Variants in HSPA12A observed in about 807,000 individuals in gnomAD.
The protein encoded by HSPA12A is heat shock 70 kDa protein 12A.
Under a neutral mutation model 69.2 loss-of-function variants are expected in HSPA12A, and 28 were observed. The observed-to-expected ratio is 0.40, with a 90% CI of 0.30 to 0.55. The LOEUF is 0.55. Ranked by LOEUF, HSPA12A falls within the 20% of genes least tolerant of loss-of-function variation. The pLI, the probability that HSPA12A is intolerant of heterozygous loss-of-function variation, is 0.38. For missense variants in HSPA12A, 686 were observed against 900.7 expected (o/e 0.76, Z 3.05); for synonymous variants, 345 against 370.5 (o/e 0.93, Z 0.79).
In HSPA12A at chr10:116,754,061, C is replaced by A. The variant is rs183328619; in HGVS notation, c.92-46776G>T. On this transcript the variant is annotated intron_variant, in intron 2 of 12. Coordinates refer to the HSPA12A transcript ENST00000635765. ...GACACGGGCCGGGCCTTCCTCTCCC[C>A]ACCCTGGCAGGGGTCAGCTATGAGC... Among the ~76,000 whole-genome samples the A allele has an allele frequency of 4.6e-5, 7 of 152,348 alleles. No individual in the cohort carries two copies. In the East Asian group the frequency reaches 1.4e-3, roughly 29 times the overall value.
chr10:116,771,560 GC>G (rs1844210701), intron 2 of HSPA12A, among the ~76,000 whole-genome samples: 1 of 152,222 alleles, frequency 6.6e-6, no homozygotes, highest in Non-Finnish European at 1.5e-5. Context: ...TAGACAGAGG[GC>G]CCCCGGGAGG....
chr10:116,832,583 A>C (rs775632944), intron 2 of HSPA12A: 1 of 152,234 alleles, frequency 6.6e-6, no homozygotes, highest in Non-Finnish European at 1.5e-5. Context: ...TCAGGAGGTC[A>C]GCCTATTGGT....
At chr10:116,802,657 G>A (rs1056432849) in intron 2 of HSPA12A, among the ~76,000 whole-genome samples, 3 of 152,236 alleles carry the variant, frequency 2.0e-5, no homozygotes, top group Non-Finnish European at 2.9e-5. Flanking sequence ...TGCAAAGACT[G>A]ACCAGGAAAG....
intron 2 of HSPA12A, among the ~76,000 whole-genome samples, chr10:116,782,700 A>T (rs1554891932): frequency 6.6e-6 from 1 of 152,224 alleles, no homozygotes; most frequent in Non-Finnish European, 1.5e-5. Context: ...ACTGCTTTTT[A>T]AAAACAAGGG....
chr10:116,727,727 T>C (rs192899653), intron 1 of HSPA12A, among the ~76,000 whole-genome samples: 2 of 149,468 alleles, frequency 1.3e-5, no homozygotes, highest in Middle Eastern at 3.6e-3. Flanking sequence ...GATGATTTTG[T>C]CCAAGGGTAG....
At chr10:116,827,931 A>G (rs1197830121) in intron 2 of HSPA12A, among the ~76,000 whole-genome samples, 1 of 152,096 alleles carries the variant, frequency 6.6e-6, no homozygotes, top group African/African-American at 2.4e-5. Flanking sequence ...GATATGACCA[A>G]TTGTGTTCCT....
chr10:116,849,221 G>C (rs1223696689), intron 1 of HSPA12A, among the ~76,000 whole-genome samples: 1 of 152,236 alleles, frequency 6.6e-6, no homozygotes, highest in Admixed American at 6.5e-5. Flanking sequence ...TCGGAGCTAA[G>C]GCTGCCGCGC....
At chr10:116,803,464 A>G (rs915959934) in intron 2 of HSPA12A, among the ~76,000 whole-genome samples, 1 of 152,170 alleles carries the variant, frequency 6.6e-6, no homozygotes, top group Admixed American at 6.5e-5. Context: ...GCACCCCCTG[A>G]GCTGAATCCA....
intron 5 of HSPA12A, among the ~76,000 whole-genome samples, chr10:116,695,200 A>T (rs1849851576): frequency 6.6e-6 from 1 of 151,300 alleles, no homozygotes; most frequent in Non-Finnish European, 1.5e-5. Context: ...CACACCACCG[A>T]CCTCCACCCT....
chr10:116,712,439 A>T (rs1246084561), intron 1 of HSPA12A, among the ~76,000 whole-genome samples: 1 of 152,196 alleles, frequency 6.6e-6, no homozygotes, highest in Non-Finnish European at 1.5e-5. Context: ...GCAATTGAGG[A>T]GGAACTAGTT....
intron 2 of HSPA12A, chr10:116,750,196 T>C: frequency 1.5e-6 from 1 of 668,776 alleles, no homozygotes; most frequent in Non-Finnish European, 2.7e-6. Flanking sequence ...CTGCGGCACA[T>C]TGTCCTGGCC....
intron 2 of HSPA12A, among the ~76,000 whole-genome samples, chr10:116,805,589 G>A (rs1219452910): frequency 6.6e-6 from 1 of 152,020 alleles, no homozygotes; most frequent in African/African-American, 2.4e-5. Context: ...TTGGGCGGGG[G>A]GGTACTGACT....
intron 1 of HSPA12A, among the ~76,000 whole-genome samples, chr10:116,713,336 A>C (rs1223605097): frequency 6.6e-6 from 1 of 152,180 alleles, no homozygotes; most frequent in East Asian, 1.9e-4. Flanking sequence ...TGTCCAGAGT[A>C]AATGGAAATT....
chr10:116,687,205 T>C (rs1479252394), intron 6 of HSPA12A, among the ~76,000 whole-genome samples: 4 of 152,186 alleles, frequency 2.6e-5, no homozygotes, highest in African/African-American at 9.6e-5. Context: ...CCTCTCCAGC[T>C]GGGCTGGCCT....
intron 1 of HSPA12A, among the ~76,000 whole-genome samples, chr10:116,840,685 G>A (rs188523345): frequency 1.4e-4 from 22 of 152,282 alleles, no homozygotes; most frequent in Admixed American, 7.8e-4. Context: ...GTTAGAGTCC[G>A]AAAATCCTTT....
intron 2 of HSPA12A, among the ~76,000 whole-genome samples, chr10:116,807,466 C>T (rs1380650360): frequency 2.6e-5 from 4 of 152,110 alleles, no homozygotes; most frequent in Non-Finnish European, 5.9e-5. Context: ...CAAACATCCT[C>T]GAGTTAACTG....
rs1265850438 is a variant in HSPA12A at position 116,849,657 on chromosome 10, G to A, written c.-89C>T. On this transcript the variant is annotated 5_prime_UTR_variant, in exon 1 of 13. Coordinates refer to the HSPA12A transcript ENST00000635765. The stretch of plus-strand genomic sequence containing the variant: ...GGCGATGGAGTACTACCGGGAGAAC[G>A]ACGTTCCGCGCAGGCTGGAAGAGCT... 5 of 1,550,198 alleles carry A rather than the reference G, an allele frequency of 3.2e-6. No individual in the cohort carries two copies. The South Asian group carries it at 3.6e-5, about 11-fold the overall frequency.
upstream of HSPA12A, among the ~76,000 whole-genome samples, chr10:116,747,416 C>T (rs1554887912): frequency 6.6e-6 from 1 of 152,174 alleles, no homozygotes; most frequent in Non-Finnish European, 1.5e-5. Flanking sequence ...CTGCTCAAAC[C>T]CTGGCCCTGC....
At chr10:116,720,473 T>C (rs1246310122) in intron 1 of HSPA12A, among the ~76,000 whole-genome samples, 1 of 152,168 alleles carries the variant, frequency 6.6e-6, no homozygotes, top group Non-Finnish European at 1.5e-5. Context: ...CAGCTGCAGT[T>C]TCACTCTTCC....
Sources: allele counts gnomAD v4.1 joint callset (sites outside exome capture counted in the v4.1 genomes callset), GRCh38; gene constraint gnomAD v4.1.1; transcripts MANE v1.5; gene names NCBI Gene and HGNC (gene_info 2026-07-23, HGNC 2026-07-21).